CADM2: variants seen among roughly 807,000 people sequenced by gnomAD.
CADM2 encodes immunoglobulin superfamily member 4D.
CADM2 carries 12 observed loss-of-function variants against 49.8 expected under a neutral mutation model. That is an observed-to-expected ratio of 0.24 (90% CI 0.15 to 0.39). The LOEUF (loss-of-function observed/expected upper bound fraction) is 0.39, where lower values mean the gene tolerates loss of function less well. Among genes scored for constraint, CADM2 ranks in the 10% least tolerant of loss-of-function variants. The probability of loss-of-function intolerance (pLI) is 1.00; values close to 1 mark genes in which losing one functional copy is unlikely to be tolerated. For synonymous variants in CADM2, 214 were observed against 175.4 expected (o/e 1.22, Z -1.74); for missense variants, 378 against 492.3 (o/e 0.77, Z 2.20).
chr3:85,218,950 T>C (rs867904933), intron 1 of CADM2, among the ~76,000 whole-genome samples: 5 of 152,156 alleles, frequency 3.3e-5, no homozygotes, highest in Middle Eastern at 3.2e-3. Context: ...TGGTTGAAAC[T>C]CACCAAAAAC....
chr3:85,385,105 T>C (rs1317406811), intron 1 of CADM2, among the ~76,000 whole-genome samples: 3 of 151,944 alleles, frequency 2.0e-5, no homozygotes, highest in African/African-American at 7.3e-5. Context: ...CTGCTAATTT[T>C]TGTATATTTA....
intron 8 of CADM2, among the ~76,000 whole-genome samples, chr3:86,010,951 A>G (rs1235547748): frequency 6.6e-6 from 1 of 151,534 alleles, no homozygotes; most frequent in East Asian, 1.9e-4. Flanking sequence ...CTTCTCTAAA[A>G]ATATAAGTTA....
chr3:85,783,899 T>C lies in CADM2; in HGVS notation c.89-18148T>C, dbSNP rs564765665. ...ATTTGTCAGAAAAATATGCACCACTTTTTTTTAAAGTACGATCATCTTTGT... is the reference window on the plus strand; with the variant it reads ...ATTTGTCAGAAAAATATGCACCACTCTTTTTTAAAGTACGATCATCTTTGT... On this transcript the variant is annotated intron_variant, in intron 2 of 9. Coordinates refer to ENST00000383699, the MANE Select transcript of CADM2 (RefSeq NM_001167675.2). Among the ~76,000 whole-genome samples, 120 of 152,252 alleles carry C rather than the reference T, an allele frequency of 7.9e-4. 3 individuals carry two copies. Among genetic ancestry groups the C allele is most frequent in the Admixed American group, 7.9e-3 (120 of 15,264 alleles).
intron 1 of CADM2, among the ~76,000 whole-genome samples, chr3:85,094,702 C>T (rs2037728332): frequency 1.3e-5 from 2 of 152,144 alleles, no homozygotes; most frequent in Admixed American, 1.3e-4. Flanking sequence ...CATGCAATCA[C>T]TGACTTTTCT....
intron 7 of CADM2, among the ~76,000 whole-genome samples, chr3:85,959,862 A>C (rs1724601162): frequency 6.6e-6 from 1 of 151,926 alleles, no homozygotes; most frequent in African/African-American, 2.4e-5. Context: ...AATGTAGTCT[A>C]TGGTGTTTGT....
chr3:85,304,487 C>T (rs942784370), intron 1 of CADM2, among the ~76,000 whole-genome samples: 1 of 151,702 alleles, frequency 6.6e-6, no homozygotes, highest in Admixed American at 6.6e-5. Flanking sequence ...CCACTTCTAA[C>T]ATATGGTTAT....
At chr3:85,931,216 G>A (rs1720543198) in intron 6 of CADM2, among the ~76,000 whole-genome samples, 1 of 151,502 alleles carries the variant, frequency 6.6e-6, no homozygotes, top group Non-Finnish European at 1.5e-5. Flanking sequence ...CTTCAAAAAT[G>A]GAAGAAAGAA....
rs191110392 is a variant in CADM2, at chr3:86,046,787, C to T, written c.971-18818C>T. ...TCCGTCTTAAACACCCCCAACCCCC[C>T]CTCATTGTGCTTATTAGTGTTTTAA... On this transcript the variant is annotated intron_variant, in intron 8 of 9. Transcript: ENST00000383699. 2.4e-4 allele frequency among the ~76,000 whole-genome samples: 36 copies of T among 151,820 alleles called. 1 individual carries two copies. The East Asian group carries it at 7.0e-3, about 29-fold the overall frequency.
intron 1 of CADM2, among the ~76,000 whole-genome samples, chr3:85,299,091 T>A (rs1006532503): frequency 4.6e-5 from 7 of 152,196 alleles, no homozygotes; most frequent in Non-Finnish European, 8.8e-5. Context: ...CATTATTTTT[T>A]AAAAATCTGT....
chr3:85,413,158 AAAAAAT>A (rs1190522740), intron 1 of CADM2, among the ~76,000 whole-genome samples: 2 of 141,646 alleles, frequency 1.4e-5, no homozygotes, highest in Non-Finnish European at 3.0e-5. Context: ...AAAAAAAAAA[AAAAAAT>A]AATAATAATA....
intron 1 of CADM2, among the ~76,000 whole-genome samples, chr3:85,068,952 G>C (rs888914797): frequency 6.6e-6 from 1 of 151,942 alleles, no homozygotes; most frequent in African/African-American, 2.4e-5. Flanking sequence ...TAGAAACTTT[G>C]TCTCATCAAT....
chr3:85,424,021 C>T lies in CADM2; in HGVS notation c.62-302501C>T, dbSNP rs200892035. The stretch of plus-strand genomic sequence containing the variant: ...TCCTGATAAGAGTAAATCTGCATTG[C>T]CATAAATTGTGTTTGAAAAATAAAA... On this transcript the variant is annotated intron_variant, in intron 1 of 9. Coordinates refer to ENST00000383699, the MANE Select transcript of CADM2 (RefSeq NM_001167675.2). 1.1e-4 allele frequency among the ~76,000 whole-genome samples: 16 copies of T among 151,968 alleles called. 1 individual carries two copies. The East Asian group carries it at 2.9e-3, about 28-fold the overall frequency.
intron 1 of CADM2, among the ~76,000 whole-genome samples, chr3:85,087,651 AT>A (rs1240083503): frequency 6.6e-6 from 1 of 152,144 alleles, no homozygotes; most frequent in Non-Finnish European, 1.5e-5. Context: ...TTTGTAATAT[AT>A]TTTTTGATGA....
chr3:85,326,260 T>C (rs2044747098), intron 1 of CADM2, among the ~76,000 whole-genome samples: 2 of 152,152 alleles, frequency 1.3e-5, no homozygotes, highest in African/African-American at 2.4e-5. Context: ...GTATTGTTTT[T>C]CTAGTGAAAT....
At chr3:85,213,652 G>A (rs2041856161) in intron 1 of CADM2, among the ~76,000 whole-genome samples, 1 of 152,008 alleles carries the variant, frequency 6.6e-6, no homozygotes. Flanking sequence ...CTCTTGGTTT[G>A]GAAAGTTCTC....
chr3:86,040,632 A>T (rs1735765997), intron 8 of CADM2, among the ~76,000 whole-genome samples: 1 of 152,210 alleles, frequency 6.6e-6, no homozygotes, highest in Admixed American at 6.5e-5. Context: ...TGATGGGGAG[A>T]ATGGAACAAA....
intron 2 of CADM2, among the ~76,000 whole-genome samples, chr3:85,765,861 C>T (rs190495293): frequency 1.3e-5 from 2 of 152,122 alleles, no homozygotes; most frequent in Admixed American, 6.6e-5. Flanking sequence ...TACTCATCCA[C>T]GAATGAGGAA....
At chr3:85,189,960 T>C (rs2041168452) in intron 1 of CADM2, among the ~76,000 whole-genome samples, 1 of 149,040 alleles carries the variant, frequency 6.7e-6, no homozygotes, top group Admixed American at 6.7e-5. Context: ...ATTTTTTTTT[T>C]TTTTTTTTTT....
At chr3:85,089,062 T>C (rs1004479226) in intron 1 of CADM2, among the ~76,000 whole-genome samples, 1 of 152,096 alleles carries the variant, frequency 6.6e-6, no homozygotes, top group Non-Finnish European at 1.5e-5. Flanking sequence ...TGAAACAGTC[T>C]TAAAGCTGAA....
Sources: allele counts gnomAD v4.1 joint callset (sites outside exome capture counted in the v4.1 genomes callset), GRCh38; gene constraint gnomAD v4.1.1; transcripts MANE v1.5; gene names NCBI Gene and HGNC (gene_info 2026-07-23, HGNC 2026-07-21).